ZNF567: variants seen among roughly 807,000 people sequenced by gnomAD.
ZNF567 encodes zinc finger protein 567.
Under a neutral mutation model 53.9 loss-of-function variants are expected in ZNF567, and 36 were observed. That is an observed-to-expected ratio of 0.67 (90% CI 0.51 to 0.88). The LOEUF is 0.88. Ranked by LOEUF, ZNF567 falls within the 40% of genes least tolerant of loss-of-function variation. The pLI is 0.00. For missense variants in ZNF567, 619 were observed against 764.7 expected (o/e 0.81, Z 2.25); for synonymous variants, 224 against 260.4 (o/e 0.86, Z 1.35).
the ZNF567 span, among the ~76,000 whole-genome samples, chr19:36,671,494 G>C: frequency 5.3e-5 from 8 of 152,100 alleles, no homozygotes; most frequent in Admixed American, 1.3e-4. Flanking sequence ...TTTACAGCGG[G>C]GCCCAGAACA....
chr19:36,709,217 C>G (rs1452794392), intron 3 of ZNF567, among the ~76,000 whole-genome samples: 2 of 152,122 alleles, frequency 1.3e-5, no homozygotes, highest in Non-Finnish European at 2.9e-5. Context: ...TCCTGACACA[C>G]TAAAACTTCA....
rs1000632125 is a variant in ZNF567 at position 36,694,798 on chromosome 19, T to C, written c.-66-4T>C. On this transcript the variant is annotated splice_polypyrimidine_tract_variant and splice_region_variant and intron_variant, in intron 2 of 5. Coordinates refer to ENST00000682579, the MANE Select transcript of ZNF567 (RefSeq NM_001322917.1). ...CTTTTTTTGTCTCGGCTTTGCCTCCTTAGGAACTGCCTCTTTTCTAAAGAG... is the reference window on the plus strand; with the variant it reads ...CTTTTTTTGTCTCGGCTTTGCCTCCCTAGGAACTGCCTCTTTTCTAAAGAG... The C allele has an allele frequency of 6.8e-7, 1 of 1,468,146 alleles. No individual in the cohort carries two copies. The highest frequency in any genetic ancestry group is 9.0e-7 in the Non-Finnish European group (1 of 1,110,290). The allele number at this position is 1,468,146 out of a possible 1,614,324, so 90.9% of individuals were successfully genotyped here. A position where few individuals can be genotyped will look rare whatever the true frequency, so the allele number is the denominator to read the frequency against.
Position 36,720,143 on chromosome 19 carries a change from G to A in ZNF567, c.1419G>A (p.Gly473=), listed in dbSNP as rs1166552016. ...TLVAHQRTHT[G]EKSYECPHCG... ...TAGCACATCAGAGAACACATACAGG[G>A]GAGAAATCTTATGAATGTCCTCACT... Residue 473 remains glycine (G), a synonymous_variant, in exon 6 of 6, where the codon GGG becomes GGA. Coordinates refer to ENST00000682579, the MANE Select transcript of ZNF567 (RefSeq NM_001322917.1). 2 of 1,612,920 alleles carry A rather than the reference G, an allele frequency of 1.2e-6. No individual in the cohort carries two copies. The highest frequency in any genetic ancestry group is 1.3e-5 in the African/African-American group (1 of 74,562).
chr19:36,687,028 G>A (rs1335761299), upstream of ZNF567, among the ~76,000 whole-genome samples: 1 of 152,110 alleles, frequency 6.6e-6, no homozygotes, highest in Non-Finnish European at 1.5e-5. Flanking sequence ...GTCCTCACAG[G>A]CACATTGGGG....
intron 3 of ZNF567, among the ~76,000 whole-genome samples, chr19:36,700,840 T>C (rs571861661): frequency 6.6e-6 from 1 of 152,310 alleles, no homozygotes; most frequent in South Asian, 2.1e-4. Flanking sequence ...TTGCTAGCGG[T>C]CTATCAATTT....
intron 2 of ZNF567, among the ~76,000 whole-genome samples, chr19:36,692,263 A>G (rs2145572026): frequency 6.6e-6 from 1 of 152,368 alleles, no homozygotes; most frequent in South Asian, 2.1e-4. Flanking sequence ...TGGTGGTGAC[A>G]CAAATCTAAA....
downstream of ZNF567, among the ~76,000 whole-genome samples, chr19:36,722,274 T>C (rs1055235541): frequency 2.6e-5 from 4 of 152,176 alleles, no homozygotes; most frequent in South Asian, 4.1e-4. Flanking sequence ...TATGAAGTCA[T>C]TGTAATAAAA....
chr19:36,709,664 A>G (rs973839284), intron 3 of ZNF567, among the ~76,000 whole-genome samples: 1 of 145,684 alleles, frequency 6.9e-6, no homozygotes, highest in African/African-American at 2.6e-5. Context: ...CCTGCTGGTG[A>G]TGTTGCCCAG....
At chr19:36,684,636 G>A (rs981980260), upstream of ZNF567, among the ~76,000 whole-genome samples, 3 of 151,970 alleles carry the variant, frequency 2.0e-5, no homozygotes, top group African/African-American at 4.8e-5. Flanking sequence ...ACCTCTTCAC[G>A]AACTATTGCT....
intron 4 of ZNF567, 120 bp from the exon 5 acceptor site, chr19:36,712,661 G>A (rs2039849556): frequency 1.5e-6 from 2 of 1,376,302 alleles, no homozygotes; most frequent in African/African-American, 1.4e-5. Flanking sequence ...CCCAGTGCAA[G>A]GTGCTACCTA....
intron 4 of ZNF567, 99 bp downstream of exon 4, chr19:36,712,611 T>A (rs1002727846): frequency 1.1e-5 from 17 of 1,530,756 alleles, no homozygotes; most frequent in Non-Finnish European, 1.4e-5. Flanking sequence ...GGTGATGAAT[T>A]CCTTTTCGTT....
At chr19:36,710,780 C>T (rs191021666) in intron 3 of ZNF567, among the ~76,000 whole-genome samples, 1 of 152,320 alleles carries the variant, frequency 6.6e-6, no homozygotes, top group Admixed American at 6.5e-5. Context: ...CAAGCTCTGA[C>T]ACCTTAATCC....
At position 36,712,771 on chromosome 19, in the gene ZNF567, C is replaced by T; in HGVS notation, c.137-10C>T. ...GCCCAATCAACTTAAGTCTTTTTTT[C>T]ACTTTTCAGGGTGTCACATGACCAA... On this transcript the variant is annotated splice_polypyrimidine_tract_variant and intron_variant, in intron 4 of 5. Transcript: ENST00000682579. The T allele has an allele frequency of 6.2e-7, 1 of 1,607,976 alleles. No homozygotes were observed. Among genetic ancestry groups the T allele is most frequent in the Non-Finnish European group, 8.5e-7 (1 of 1,178,032 alleles).
chr19:36,694,872 C>A lies in ZNF567; in HGVS notation c.5C>A (p.Ala2Asp). The A allele has an allele frequency of 6.6e-7, 1 of 1,521,946 alleles. No homozygotes were observed. The highest frequency in any genetic ancestry group is 1.2e-5 in the South Asian group (1 of 81,328). 94.3% of individuals were successfully genotyped at this position (1,521,946 alleles called of 1,614,324 possible). A position where few individuals can be genotyped will look rare whatever the true frequency, so the allele number is the denominator to read the frequency against. The change falls in exon 3 of 6, where the codon GCT (alanine) becomes GAT (aspartate). Residue 2 changes from alanine to aspartate, a missense_variant. Coordinates refer to ENST00000682579, the MANE Select transcript of ZNF567 (RefSeq NM_001322917.1). M[A>D]QGSVSFNDVT... Reference sequence around the variant, plus strand: ...TCTCTTTCATATCTCAAAACCATGGCTCAGGTAAGGCGATGGTTTCTCTCT... The same window carrying A: ...TCTCTTTCATATCTCAAAACCATGGATCAGGTAAGGCGATGGTTTCTCTCT...
chr19:36,692,111 G>A lies in ZNF567; in HGVS notation c.-67+2614G>A, dbSNP rs144997172. Among the ~76,000 whole-genome samples, 336 of 152,292 alleles carry A rather than the reference G, an allele frequency of 2.2e-3. 2 individuals are homozygous for A. The highest frequency in any genetic ancestry group is 7.9e-3 in the African/African-American group (327 of 41,568). On this transcript the variant is annotated intron_variant, in intron 2 of 5. Transcript: ENST00000682579. Reference sequence around the variant, plus strand: ...AGGTGGTTATGAATAAAACTGCTACGAACATTCACATTCGGGTCTTTTTGT... The same window carrying A: ...AGGTGGTTATGAATAAAACTGCTACAAACATTCACATTCGGGTCTTTTTGT...
Position 36,689,377 on chromosome 19 carries a change from C to T in ZNF567, c.-167-20C>T, listed in dbSNP as rs1046959511. 1.3e-5 allele frequency: 2 copies of T among 151,614 alleles called. No homozygotes were observed. Among genetic ancestry groups the T allele is most frequent in the African/African-American group, 4.8e-5 (2 of 41,372 alleles). 9.4% of individuals were successfully genotyped at this position (151,614 alleles called of 1,614,324 possible). On this transcript the variant is annotated intron_variant, in intron 1 of 5. Coordinates refer to ENST00000682579, the MANE Select transcript of ZNF567 (RefSeq NM_001322917.1). The stretch of plus-strand genomic sequence containing the variant: ...TCTAATTCCCCAACCTTTATTTTGT[C>T]TCCTCTTTACTCCCTATAGGCAGTC...
intron 2 of ZNF567, among the ~76,000 whole-genome samples, chr19:36,690,375 T>G (rs1011199119): frequency 6.6e-5 from 10 of 152,170 alleles, no homozygotes; most frequent in Non-Finnish European, 2.9e-5. Context: ...TGTGCACTGC[T>G]TGAGTCCAGG....
At chr19:36,681,466 G>A in the ZNF567 span, among the ~76,000 whole-genome samples, 1 of 152,128 alleles carries the variant, frequency 6.6e-6, no homozygotes, top group Non-Finnish European at 1.5e-5. Context: ...GTCTCACGCT[G>A]ATGCCCAGGC....
At chr19:36,698,189 C>T (rs1049910556) in intron 3 of ZNF567, among the ~76,000 whole-genome samples, 1 of 151,906 alleles carries the variant, frequency 6.6e-6, no homozygotes, top group Non-Finnish European at 1.5e-5. Flanking sequence ...ATTTTTTGTC[C>T]TTGTGATAGT....
Sources: allele counts gnomAD v4.1 joint callset (sites outside exome capture counted in the v4.1 genomes callset), GRCh38; gene constraint gnomAD v4.1.1; transcripts MANE v1.5; gene names NCBI Gene and HGNC (gene_info 2026-07-23, HGNC 2026-07-21).